Variants in TTC7B observed in about 807,000 individuals in gnomAD.
TTC7B encodes the protein tetratricopeptide repeat protein 7B.
Under a neutral mutation model 106.8 loss-of-function variants are expected in TTC7B, and 28 were observed. The ratio of observed to expected loss-of-function variants is 0.26; its 90% confidence interval spans 0.19 to 0.36. The LOEUF is 0.36. TTC7B is among the 10% of genes least tolerant of loss of function. The pLI is 1.00. For synonymous variants in TTC7B, 405 were observed against 430.6 expected (o/e 0.94, Z 0.74); for missense variants, 862 against 1,076.4 (o/e 0.80, Z 2.79).
intron 3 of TTC7B, among the ~76,000 whole-genome samples, chr14:90,775,477 GC>G (rs1347249608): frequency 7.2e-5 from 11 of 152,146 alleles, no homozygotes; most frequent in Admixed American, 7.2e-4. Flanking sequence ...CAAGCTTCAT[GC>G]CCTTAACCAC....
At chr14:90,551,903 C>T (rs1356843544) in intron 19 of TTC7B, among the ~76,000 whole-genome samples, 1 of 152,246 alleles carries the variant, frequency 6.6e-6, no homozygotes, top group African/African-American at 2.4e-5. Flanking sequence ...TGAAAACATG[C>T]GTGGGTGGGG....
At chr14:90,711,607 A>C (rs913797138) in intron 5 of TTC7B, among the ~76,000 whole-genome samples, 7 of 152,204 alleles carry the variant, frequency 4.6e-5, no homozygotes, top group African/African-American at 1.7e-4. Context: ...TTCTTAGTGA[A>C]GACGGGGTTT....
At chr14:90,775,699 T>G (rs1457040956) in intron 3 of TTC7B, among the ~76,000 whole-genome samples, 1 of 152,090 alleles carries the variant, frequency 6.6e-6, no homozygotes. Context: ...CTGGATTGTG[T>G]GACATAGGGC....
At chr14:90,549,127 C>CAAA (rs34890535) in intron 19 of TTC7B, among the ~76,000 whole-genome samples, 7 of 103,616 alleles carry the variant, frequency 6.8e-5, no homozygotes, top group African/African-American at 2.0e-4. Context: ...GACTCCGTCT[C>CAAA]AAAAAAAAAA....
At position 90,538,702 on chromosome 14, in the gene TTC7B, G is replaced by A. The variant is rs547842151; in HGVS notation, c.*2666C>T. On this transcript the variant is annotated 3_prime_UTR_variant, in exon 20 of 20. Coordinates refer to ENST00000328459, the MANE Select transcript of TTC7B (RefSeq NM_001010854.2). ...GGGGGACTGAGGAGTCTGGAAGAGT[G>A]CCCAAGGGGGGAGTACCAAGGACGG... The A allele has an allele frequency of 6.6e-6, 1 of 152,242 alleles. No individual in the cohort carries two copies. Among genetic ancestry groups the A allele is most frequent in the East Asian group, 1.9e-4 (1 of 5,184 alleles). The allele number at this position is 152,242 out of a possible 1,614,324, so 9.4% of individuals were successfully genotyped here. A position where few individuals can be genotyped will look rare whatever the true frequency, so the allele number is the denominator to read the frequency against.
intron 19 of TTC7B, among the ~76,000 whole-genome samples, chr14:90,557,422 A>G (rs1352497554): frequency 6.6e-6 from 1 of 152,260 alleles, no homozygotes; most frequent in African/African-American, 2.4e-5. Flanking sequence ...AAAATGAAGC[A>G]GCAAATTCTA....
rs1483416768 is a variant in TTC7B at position 90,600,995 on chromosome 14, C to G, written c.1967-7369G>C. 1.3e-5 allele frequency among the ~76,000 whole-genome samples: 2 copies of G among 152,118 alleles called. No homozygotes were observed. Among genetic ancestry groups the G allele is most frequent in the Non-Finnish European group, 2.9e-5 (2 of 68,028 alleles). Reference sequence around the variant, plus strand: ...TGCCGGCGTCCTGGGGAAAGCCTCCCAGGTTGGGATGATATTCTAATGCTG... The same window carrying G: ...TGCCGGCGTCCTGGGGAAAGCCTCCGAGGTTGGGATGATATTCTAATGCTG... On this transcript the variant is annotated intron_variant, in intron 17 of 19. Transcript: ENST00000328459. This position sits in a 1 kb window ranked among gnomAD's most constrained non-coding sequence, Gnocchi z 4.3.
intron 13 of TTC7B, chr14:90,648,938 CGAAT>C (rs1885594610): frequency 1.3e-5 from 2 of 152,128 alleles, no homozygotes; most frequent in African/African-American, 4.8e-5. Flanking sequence ...ATATTCTTCA[CGAAT>C]AAATCAAGTC....
intron 17 of TTC7B, among the ~76,000 whole-genome samples, chr14:90,606,913 A>G (rs896913910): frequency 2.0e-5 from 3 of 152,230 alleles, no homozygotes; most frequent in South Asian, 2.1e-4. Context: ...GCTGCACTGT[A>G]TAAGGACCCA....
rs911031198 is a variant in TTC7B at position 90,618,927 on chromosome 14, G to A, written c.1752-882C>T. Among the ~76,000 whole-genome samples, 4 of 152,240 alleles carry A rather than the reference G, an allele frequency of 2.6e-5. No homozygotes were observed. In the East Asian group the frequency reaches 5.8e-4, roughly 22 times the overall value. On this transcript the variant is annotated intron_variant, in intron 15 of 19. Transcript: ENST00000328459. ...CAAAAATCATTCTTTTCCCCAAGAC[G>A]GAGTCTTGCTCTGTCACCCAGGCTA...
chr14:90,685,987 A>C (rs986640375), intron 7 of TTC7B, among the ~76,000 whole-genome samples: 1 of 152,232 alleles, frequency 6.6e-6, no homozygotes, highest in Non-Finnish European at 1.5e-5. Flanking sequence ...AATAGTCTCC[A>C]ACTCATTTTA....
intron 1 of TTC7B, 68 bp downstream of exon 1, chr14:90,816,107 C>T: frequency 7.2e-6 from 7 of 978,118 alleles, no homozygotes; most frequent in Non-Finnish European, 8.5e-6. Context: ...CCGGCCGCGC[C>T]TCGGGGGCCC....
At chr14:90,734,924 C>T (rs1034296874) in intron 4 of TTC7B, among the ~76,000 whole-genome samples, 1 of 152,152 alleles carries the variant, frequency 6.6e-6, no homozygotes, top group Non-Finnish European at 1.5e-5. Context: ...GCTGGGATTA[C>T]AGGCATGCGC....
At position 90,552,914 on chromosome 14, in the gene TTC7B, C is replaced by T. The variant is rs116355297; in HGVS notation, c.2311-11325G>A. On this transcript the variant is annotated intron_variant, in intron 19 of 19. Coordinates refer to ENST00000328459, the MANE Select transcript of TTC7B (RefSeq NM_001010854.2). Reference sequence around the variant, plus strand: ...ACTCCCTTCAAGTTAGCCAAACAAACGCCCCCAGTTACCAGCAGCCAGTCC... The same window carrying T: ...ACTCCCTTCAAGTTAGCCAAACAAATGCCCCCAGTTACCAGCAGCCAGTCC... Among the ~76,000 whole-genome samples the T allele has an allele frequency of 3.6e-3, 542 of 152,344 alleles. 4 individuals are homozygous for T. The highest frequency in any genetic ancestry group is 0.012 in the African/African-American group (506 of 41,578).
At chr14:90,545,394 T>C (rs75170788) in intron 19 of TTC7B, among the ~76,000 whole-genome samples, 7 of 152,334 alleles carry the variant, frequency 4.6e-5, no homozygotes, top group African/African-American at 1.2e-4. Context: ...CATGTTATGA[T>C]GGGGAAATTG....
intron 15 of TTC7B, among the ~76,000 whole-genome samples, chr14:90,642,325 G>A (rs1206025796): frequency 2.0e-5 from 3 of 152,300 alleles, no homozygotes. Context: ...TGTTTGTAAT[G>A]GAAATGTGTG....
intron 3 of TTC7B, among the ~76,000 whole-genome samples, chr14:90,766,135 GTTT>G (rs3085720): frequency 7.0e-6 from 1 of 143,446 alleles, no homozygotes; most frequent in Admixed American, 7.0e-5. Context: ...AGCCTACAAC[GTTT>G]TTTTTTTTTT....
intron 17 of TTC7B, among the ~76,000 whole-genome samples, chr14:90,606,889 T>A (rs1180154461): frequency 6.6e-6 from 1 of 152,176 alleles, no homozygotes; most frequent in Non-Finnish European, 1.5e-5. Context: ...ACTTCCAAAA[T>A]CATGAATACT....
chr14:90,632,090 C>T (rs1420272980), intron 15 of TTC7B, among the ~76,000 whole-genome samples: 1 of 152,136 alleles, frequency 6.6e-6, no homozygotes, highest in Non-Finnish European at 1.5e-5. Context: ...TCGCCTGTGT[C>T]CAAAGGCCTC....
Sources: allele counts gnomAD v4.1 joint callset (sites outside exome capture counted in the v4.1 genomes callset), GRCh38; gene constraint gnomAD v4.1.1; non-coding constraint Gnocchi (gnomAD v3.1); transcripts MANE v1.5; gene names NCBI Gene and HGNC (gene_info 2026-07-23, HGNC 2026-07-21).